CLPB: variants seen among roughly 807,000 people sequenced by gnomAD.
The protein encoded by CLPB is ClpB family mitochondrial disaggregase.
CLPB carries 40 observed loss-of-function variants against 78.4 expected under a neutral mutation model. The ratio of observed to expected loss-of-function variants is 0.51; its 90% CI spans 0.40 to 0.66. The LOEUF (loss-of-function observed/expected upper bound fraction) is 0.66, where lower values mean the gene tolerates loss of function less well. Among genes scored for constraint, CLPB ranks in the 30% least tolerant of loss-of-function variants. The pLI is 0.00. For synonymous variants in CLPB, 333 were observed against 348.0 expected (o/e 0.96, Z 0.48); for missense variants, 780 against 886.9 (o/e 0.88, Z 1.53).
chr11:72,302,475 A>C, intron 9 of CLPB, 127 bp from the exon 10 acceptor site: 15 of 798,146 alleles, frequency 1.9e-5, no homozygotes, highest in Non-Finnish European at 2.9e-5. Context: ...CTTCTATCTC[A>C]CGCTCAAGAT....
intron 11 of CLPB, among the ~76,000 whole-genome samples, chr11:72,297,574 C>G (rs1202606014): frequency 6.6e-6 from 1 of 151,526 alleles, no homozygotes; most frequent in Non-Finnish European, 1.5e-5. Context: ...TCACTCTTAC[C>G]CCACTGCTTA....
At chr11:72,302,690 T>C in intron 9 of CLPB, 1 of 314,926 alleles carries the variant, frequency 3.2e-6, no homozygotes, top group East Asian at 7.2e-5. Context: ...GCATCCTGTG[T>C]GTGCTGGACA....
intron 9 of CLPB, among the ~76,000 whole-genome samples, chr11:72,305,293 C>A (rs1227579426): frequency 6.6e-6 from 1 of 152,214 alleles, no homozygotes; most frequent in East Asian, 1.9e-4. Context: ...GTTTTCTCAT[C>A]TGAAAAGTGG....
At chr11:72,323,049 C>T (rs1233057754) in intron 6 of CLPB, among the ~76,000 whole-genome samples, 1 of 152,144 alleles carries the variant, frequency 6.6e-6, no homozygotes, top group Admixed American at 6.5e-5. Flanking sequence ...AAAGACTTGC[C>T]TTCAGGGAGT....
In CLPB at chr11:72,286,559, C is replaced by T. The variant is rs1218177985; in HGVS notation, c.*6808G>A. Reference sequence around the variant, plus strand: ...TGGTGTGATGTAGGCTCACTACAACCTCTGCCTCCAGGTTCAAGGGATTCC... The same window carrying T: ...TGGTGTGATGTAGGCTCACTACAACTTCTGCCTCCAGGTTCAAGGGATTCC... On this transcript the variant is annotated 3_prime_UTR_variant, in exon 16 of 16. Coordinates refer to ENST00000538039, the MANE Select transcript of CLPB (RefSeq NM_001258392.3). 1.3e-5 allele frequency: 2 copies of T among 152,106 alleles called. No homozygotes were observed. Among genetic ancestry groups the T allele is most frequent in the Non-Finnish European group, 2.9e-5 (2 of 68,038 alleles). The allele number at this position is 152,106 out of a possible 1,614,324, so 9.4% of individuals were successfully genotyped here. A position where few individuals can be genotyped will look rare whatever the true frequency, so the allele number is the denominator to read the frequency against.
chr11:72,331,454 T>C (rs1049327936), intron 5 of CLPB, among the ~76,000 whole-genome samples: 2 of 151,932 alleles, frequency 1.3e-5, no homozygotes, highest in African/African-American at 4.8e-5. Context: ...TTGCCCAGGC[T>C]GGTCTTGAAT....
intron 4 of CLPB, 53 bp downstream of exon 4, chr11:72,380,228 C>A: frequency 7.4e-7 from 1 of 1,356,882 alleles, no homozygotes; most frequent in East Asian, 2.3e-5. Context: ...AGCAAGGCTG[C>A]ATGAAAGCCA....
chr11:72,427,443 C>T (rs111847503), intron 2 of CLPB, among the ~76,000 whole-genome samples: 54 of 152,268 alleles, frequency 3.5e-4, no homozygotes, highest in Admixed American at 7.8e-4. Flanking sequence ...TCATGCGCTA[C>T]ACAATGATGT....
At chr11:72,404,710 T>C (rs895563115) in intron 2 of CLPB, among the ~76,000 whole-genome samples, 7 of 152,064 alleles carry the variant, frequency 4.6e-5, no homozygotes, top group Non-Finnish European at 7.4e-5. Context: ...GTGTTCCAGG[T>C]AGACGCAGTC....
intron 4 of CLPB, among the ~76,000 whole-genome samples, chr11:72,372,015 G>C (rs1951051251): frequency 6.6e-6 from 1 of 152,112 alleles, no homozygotes; most frequent in African/African-American, 2.4e-5. Context: ...ATTTTCTCAA[G>C]CGCTTTCGTA....
At position 72,293,399 on chromosome 11, in the gene CLPB, G is replaced by A; in HGVS notation, c.2002C>T (p.Leu668=). 11 of 1,614,196 alleles carry A rather than the reference G, an allele frequency of 6.8e-6. No individual in the cohort carries two copies. The highest frequency in any genetic ancestry group is 9.3e-6 in the Non-Finnish European group (11 of 1,180,018). The part of the protein sequence containing the change: ...KTRRLDIRAP[L]HPEKVCNTI ...GTGTTGCACACCTTCTCAGGGTGCA[G>A]TGGTGCCCGGATGTCCAGTCTGCGA... Residue 668 remains leucine, a synonymous_variant, in exon 16 of 16, where the codon CTG becomes TTG. Transcript: ENST00000538039.
chr11:72,357,551 C>A (rs1950741687), intron 5 of CLPB, among the ~76,000 whole-genome samples: 1 of 151,618 alleles, frequency 6.6e-6, no homozygotes, highest in South Asian at 2.1e-4. Context: ...ACAATATTAG[C>A]CAGATGTGGT....
chr11:72,433,011 C>T (rs1856591563), intron 1 of CLPB, among the ~76,000 whole-genome samples: 1 of 152,206 alleles, frequency 6.6e-6, no homozygotes, highest in African/African-American at 2.4e-5. Flanking sequence ...TGTCCACTCT[C>T]TCAGCTGCTG....
At chr11:72,402,906 C>G in intron 3 of CLPB, 60 bp downstream of exon 3, 1 of 1,439,162 alleles carries the variant, frequency 6.9e-7, no homozygotes, top group South Asian at 1.2e-5. Flanking sequence ...GGAGAGTGCT[C>G]AGGAGCACAG....
In CLPB at chr11:72,294,412, C is replaced by G. The variant is rs981754949; in HGVS notation, c.1593G>C (p.Arg531=). ...AHFRRDEFLG[R]INEIVYFLPF... is the part of the protein sequence containing the mutation. Reference sequence around the variant, plus strand: ...GGAGGAAGTAGACGATCTCATTGATCCGTCCCAGAAACTCATCCCTCCGGA... The same window carrying G: ...GGAGGAAGTAGACGATCTCATTGATGCGTCCCAGAAACTCATCCCTCCGGA... The change falls in exon 14 of 16, where the codon CGG becomes CGC. Residue 531 remains arginine (R), a synonymous_variant. Coordinates refer to ENST00000538039, the MANE Select transcript of CLPB (RefSeq NM_001258392.3). The G allele has an allele frequency of 2.5e-6, 4 of 1,614,212 alleles. No homozygotes were observed. The South Asian group carries it at 4.4e-5, about 18-fold the overall frequency.
chr11:72,353,452 C>T (rs1288672643), intron 5 of CLPB, among the ~76,000 whole-genome samples: 3 of 152,154 alleles, frequency 2.0e-5, no homozygotes, highest in Non-Finnish European at 4.4e-5. Flanking sequence ...AAAAGTCAGA[C>T]ACATTAGGAA....
chr11:72,307,248 G>GT lies in CLPB; in HGVS notation c.1072dup (p.Thr358AsnfsTer16), dbSNP rs753461358. The GT allele has an allele frequency of 6.2e-7, 1 of 1,614,048 alleles. No individual in the cohort carries two copies. The highest frequency in any genetic ancestry group is 1.3e-5 in the African/African-American group (1 of 75,040). On this transcript the variant is annotated frameshift_variant, in exon 9 of 16. Transcript: ENST00000538039. LOFTEE classifies it high-confidence loss of function. Reference sequence around the variant, plus strand: ...TTTGGCTGTCTGCTTGGCCAGCTCTGTTTTTCCTAGTAAGAAAGAAGGGGG... The same window carrying GT: ...TTTGGCTGTCTGCTTGGCCAGCTCTGTTTTTTCCTAGTAAGAAAGAAGGGGG...
At chr11:72,425,542 G>A (rs1466238468) in intron 2 of CLPB, among the ~76,000 whole-genome samples, 3 of 152,182 alleles carry the variant, frequency 2.0e-5, no homozygotes, top group East Asian at 1.9e-4. Flanking sequence ...CTAGGGCAGG[G>A]ACTGTTTCTC....
At chr11:72,404,290 T>C (rs1460015087) in intron 2 of CLPB, among the ~76,000 whole-genome samples, 2 of 152,142 alleles carry the variant, frequency 1.3e-5, no homozygotes, top group Non-Finnish European at 2.9e-5. Flanking sequence ...GAGGAGGGGT[T>C]TGGGAAGCTA....
Sources: allele counts gnomAD v4.1 joint callset (sites outside exome capture counted in the v4.1 genomes callset), GRCh38; gene constraint gnomAD v4.1.1; transcripts MANE v1.5; gene names NCBI Gene and HGNC (gene_info 2026-07-23, HGNC 2026-07-21).